PARD6B: variants seen among roughly 807,000 people sequenced by gnomAD.
The protein encoded by PARD6B is partitioning defective 6 homolog beta.
In PARD6B, 4 loss-of-function variants were observed where a neutral mutation model predicts 10.5. The ratio of observed to expected loss-of-function variants is 0.38; its 90% CI spans 0.19 to 0.87. PARD6B has a LOEUF of 0.87. PARD6B is among the 40% of genes least tolerant of loss of function. The pLI is 0.41. For synonymous variants in PARD6B, 169 were observed against 170.4 expected, an observed-to-expected ratio of 0.99 and a Z score of 0.07; for missense variants, 396 against 470.6, an observed-to-expected ratio of 0.84 and a Z score of 1.47.
At chr20:50,743,768 A>C (rs1339991363) in intron 2 of PARD6B, among the ~76,000 whole-genome samples, 1 of 151,908 alleles carries the variant, frequency 6.6e-6, no homozygotes, top group Non-Finnish European at 1.5e-5. Context: ...GGGCGCCTGT[A>C]GTCCCAGCTA....
chr20:50,739,888 G>GTCATT, intron 2 of PARD6B, among the ~76,000 whole-genome samples: 5 of 31,002 alleles, frequency 1.6e-4, no homozygotes, highest in Admixed American at 5.0e-4. Flanking sequence ...GAGGGGAGAA[G>GTCATT]GCAGTGGCGG....
intron 2 of PARD6B, among the ~76,000 whole-genome samples, chr20:50,743,883 C>T (rs1362795752): frequency 2.8e-5 from 4 of 142,840 alleles, no homozygotes; most frequent in Non-Finnish European, 6.1e-5. Context: ...AGCGAGACTC[C>T]GTCTCAAAAA....
chr20:50,737,662 G>A (rs1323741897), intron 1 of PARD6B, among the ~76,000 whole-genome samples, 195 bp from the exon 2 acceptor site: 1 of 152,154 alleles, frequency 6.6e-6, no homozygotes, highest in Non-Finnish European at 1.5e-5. Context: ...CAGAGACACA[G>A]CAGTCAGGAG....
In PARD6B at chr20:50,753,153, A is replaced by G. The variant is rs1333234984; in HGVS notation, c.*2665A>G. 2.0e-6 allele frequency: 2 copies of G among 985,094 alleles called. No homozygotes were observed. The highest frequency in any genetic ancestry group is 1.2e-4 in the Admixed American group (2 of 16,232). The allele number at this position is 985,094 out of a possible 1,614,324, so 61.0% of individuals were successfully genotyped here. A position where few individuals can be genotyped will look rare whatever the true frequency, so the allele number is the denominator to read the frequency against. ...GGGCTTGACTTTTTGTACAAATTTTAACTGTAAAATACAGATTTATCTTGT... is the reference window on the plus strand; with the variant it reads ...GGGCTTGACTTTTTGTACAAATTTTGACTGTAAAATACAGATTTATCTTGT... On this transcript the variant is annotated 3_prime_UTR_variant, in exon 3 of 3. Transcript: ENST00000371610.
At chr20:50,749,081 C>T (rs896946460) in intron 2 of PARD6B, among the ~76,000 whole-genome samples, 3 of 152,116 alleles carry the variant, frequency 2.0e-5, no homozygotes, top group Admixed American at 6.5e-5. Flanking sequence ...CGGTGGCTCA[C>T]GCCTATAATT....
At position 50,731,680 on chromosome 20, in the gene PARD6B, C is replaced by G; in HGVS notation, c.-107C>G. 1.9e-6 allele frequency: 2 copies of G among 1,034,116 alleles called. No individual in the cohort carries two copies. Among genetic ancestry groups the G allele is most frequent in the Non-Finnish European group, 2.6e-6 (2 of 775,838 alleles). 64.1% of individuals were successfully genotyped at this position (1,034,116 alleles called of 1,614,324 possible). A position where few individuals can be genotyped will look rare whatever the true frequency, so the allele number is the denominator to read the frequency against. Reference sequence around the variant, plus strand: ...CCCTCTGCAGGTGCCTGTGAGGAGGCGCCCGGGCCGCAACCGCTTTCCGAG... The same window carrying G: ...CCCTCTGCAGGTGCCTGTGAGGAGGGGCCCGGGCCGCAACCGCTTTCCGAG... On this transcript the variant is annotated 5_prime_UTR_variant, in exon 1 of 3. Transcript: ENST00000371610.
intron 2 of PARD6B, among the ~76,000 whole-genome samples, chr20:50,739,604 A>G (rs1048319157): frequency 6.6e-6 from 1 of 152,168 alleles, no homozygotes; most frequent in African/African-American, 2.4e-5. Flanking sequence ...ACTAAAGTCC[A>G]CCAACAAAAT....
intron 2 of PARD6B, among the ~76,000 whole-genome samples, chr20:50,745,507 A>G (rs534684428): frequency 6.6e-6 from 1 of 151,962 alleles, no homozygotes; most frequent in African/African-American, 2.4e-5. Context: ...GCTTTTGCAT[A>G]TAAAATTTTC....
intron 1 of PARD6B, among the ~76,000 whole-genome samples, chr20:50,736,249 CCTT>C (rs1362052105): frequency 2.0e-5 from 3 of 152,084 alleles, no homozygotes; most frequent in African/African-American, 7.2e-5. Flanking sequence ...TCCCATGGGA[CCTT>C]TGGGAAAATG....
At chr20:50,736,311 C>T (rs1055696000) in intron 1 of PARD6B, among the ~76,000 whole-genome samples, 4 of 152,174 alleles carry the variant, frequency 2.6e-5, no homozygotes, top group African/African-American at 9.7e-5. Flanking sequence ...GCTTTCTCTA[C>T]ATGATGCTTA....
At chr20:50,744,105 CTTTTT>C (rs753435244) in intron 2 of PARD6B, among the ~76,000 whole-genome samples, 1 of 77,808 alleles carries the variant, frequency 1.3e-5, no homozygotes, top group African/African-American at 5.1e-5. Context: ...GAAGTAGCTT[CTTTTT>C]TTTTTTTTTT....
At chr20:50,731,900 G>C (rs915794577) in intron 1 of PARD6B, 48 bp downstream of exon 1, 12 of 1,351,830 alleles carry the variant, frequency 8.9e-6, no homozygotes, top group Non-Finnish European at 1.1e-5. Flanking sequence ...GGGGGCCGGG[G>C]CCTGGGAGAG....
At chr20:50,738,215 G>A (rs2087510951) in intron 2 of PARD6B, 136 bp downstream of exon 2, 3 of 546,882 alleles carry the variant, frequency 5.5e-6, no homozygotes, top group South Asian at 3.5e-5. Context: ...ACTAACATGT[G>A]GGTTAAAACA....
At chr20:50,745,378 C>A (rs901857896) in intron 2 of PARD6B, among the ~76,000 whole-genome samples, 7 of 147,512 alleles carry the variant, frequency 4.7e-5, no homozygotes, top group Admixed American at 4.1e-4. Context: ...GAGCCGAGAT[C>A]GTGTCATTGC....
chr20:50,731,677 A>C lies in PARD6B; in HGVS notation c.-110A>C, dbSNP rs971941433. 2 of 959,988 alleles carry C rather than the reference A, an allele frequency of 2.1e-6. No homozygotes were observed. The highest frequency in any genetic ancestry group is 4.6e-5 in the South Asian group (2 of 43,460). 59.5% of individuals were successfully genotyped at this position (959,988 alleles called of 1,614,324 possible). On this transcript the variant is annotated 5_prime_UTR_variant, in exon 1 of 3. Coordinates refer to ENST00000371610, the MANE Select transcript of PARD6B (RefSeq NM_032521.3). ...GCCCCCTCTGCAGGTGCCTGTGAGG[A>C]GGCGCCCGGGCCGCAACCGCTTTCC...
Position 50,749,676 on chromosome 20 carries a change from G to A in PARD6B, c.307G>A (p.Ala103Thr). ...IQKKEEADYS[A>T]FGTDTLIKKK... ...TTAAACAGAAGAAGCAGACTACAGT[G>A]CCTTTGGTACAGACACGCTAATAAA... Residue 103 changes from alanine to threonine, a missense_variant, in exon 3 of 3, where the codon GCC (alanine) becomes ACC (threonine). Transcript: ENST00000371610. 6.3e-7 allele frequency: 1 copy of A among 1,590,610 alleles called. No homozygotes were observed. The highest frequency in any genetic ancestry group is 8.5e-7 in the Non-Finnish European group (1 of 1,172,520).
rs2087619805 is a variant in PARD6B, at chr20:50,752,592, T to TA, written c.*2105dup. 1 of 982,996 alleles carries TA rather than the reference T, an allele frequency of 1.0e-6. No homozygotes were observed. Among genetic ancestry groups the TA allele is most frequent in the South Asian group, 4.7e-5 (1 of 21,248 alleles). The allele number at this position is 982,996 out of a possible 1,614,324, so 60.9% of individuals were successfully genotyped here. A position where few individuals can be genotyped will look rare whatever the true frequency, so the allele number is the denominator to read the frequency against. ...TATAGAAACTAAAAATACTATGAAG[T>TA]ACATAAGTTCCCTATGGCTTATGGA... On this transcript the variant is annotated 3_prime_UTR_variant, in exon 3 of 3. Coordinates refer to ENST00000371610, the MANE Select transcript of PARD6B (RefSeq NM_032521.3).
At chr20:50,748,421 A>G (rs373180158) in intron 2 of PARD6B, among the ~76,000 whole-genome samples, 50 of 152,382 alleles carry the variant, frequency 3.3e-4, no homozygotes, top group African/African-American at 1.2e-3. Flanking sequence ...TTTGATATGC[A>G]TCAGCATCAA....
At chr20:50,737,614 A>G (rs1264022317) in intron 1 of PARD6B, among the ~76,000 whole-genome samples, 2 of 152,080 alleles carry the variant, frequency 1.3e-5, no homozygotes, top group Non-Finnish European at 2.9e-5. Context: ...CCAGGGATAG[A>G]TAGAGTTGAG....
Sources: gnomAD v4.1 joint callset for allele counts (sites outside exome capture counted in the v4.1 genomes callset) on GRCh38, gnomAD v4.1.1 for gene constraint, MANE v1.5 for transcripts, NCBI Gene and HGNC (gene_info 2026-07-23, HGNC 2026-07-21) for gene names.